DYNC2I2: variants seen among roughly 807,000 people sequenced by gnomAD.
DYNC2I2 encodes dynein 2 intermediate chain 2.
A neutral mutation model predicts 52.0 loss-of-function variants in DYNC2I2; 39 were observed. The ratio of observed to expected loss-of-function variants is 0.75; its 90% CI spans 0.58 to 0.98. The LOEUF is 0.98. Among genes scored for constraint, DYNC2I2 ranks in the 50% least tolerant of loss-of-function variants. The probability of loss-of-function intolerance (pLI) is 0.00; values close to 1 mark genes in which losing one functional copy is unlikely to be tolerated. For missense variants in DYNC2I2, 743 were observed against 728.4 expected, an observed-to-expected ratio of 1.02 and a Z score of -0.23; for synonymous variants, 359 against 321.1, an observed-to-expected ratio of 1.12 and a Z score of -1.26.
upstream of DYNC2I2, chr9:128,656,855 A>G (rs1349838374): frequency 1.2e-5 from 11 of 929,144 alleles, no homozygotes; most frequent in Middle Eastern, 3.6e-4. Context: ...GCCTCCTGCA[A>G]GACCTGGAAG....
At chr9:128,676,839 G>GTTTTTTTTTTTTT in the DYNC2I2 span, among the ~76,000 whole-genome samples, 1 of 144,258 alleles carries the variant, frequency 6.9e-6, no homozygotes, top group Non-Finnish European at 1.5e-5. Context: ...GGCCCCAGCT[G>GTTTTTTTTTTTTT]TTTTTTTTTT....
chr9:128,676,537 T>C, the DYNC2I2 span, among the ~76,000 whole-genome samples: 12 of 151,562 alleles, frequency 7.9e-5, no homozygotes, highest in Non-Finnish European at 1.5e-4. Flanking sequence ...TTTGAATTTT[T>C]TTTTTTTTTT....
In DYNC2I2 at chr9:128,656,631, C is replaced by A; in HGVS notation, c.96G>T (p.Pro32=). The A allele has an allele frequency of 6.7e-7, 1 of 1,498,852 alleles. No homozygotes were observed. 92.8% of individuals were successfully genotyped at this position (1,498,852 alleles called of 1,614,324 possible). Residue 32 remains proline (P), a synonymous_variant, in exon 1 of 9, where the codon CCG becomes CCT. Transcript: ENST00000372715. ...ATVGVASGPG[P]GRPGPLQDET... ...CGTCCTGCAGCGGCCCTGGCCGCCC[C>A]GGCCCCGGGCCGCTCGCAACCCCGA...
chr9:128,676,846 T>TG, the DYNC2I2 span, among the ~76,000 whole-genome samples: 11,000 of 150,130 alleles, frequency 0.073, 551 homozygotes, highest in Middle Eastern at 0.12. Context: ...GCTGTTTTTT[T>TG]TTTTGTTTTG....
chr9:128,644,049 G>A (rs1373566727), intron 1 of DYNC2I2, among the ~76,000 whole-genome samples: 2 of 152,180 alleles, frequency 1.3e-5, no homozygotes, highest in East Asian at 3.9e-4. Flanking sequence ...GACTAAGGCA[G>A]AATCTCAAAC....
At chr9:128,640,012 C>CTTTTTTT (rs71381781) in intron 2 of DYNC2I2, among the ~76,000 whole-genome samples, 111,092 of 118,842 alleles carry the variant, frequency 0.93, 52,823 homozygotes, top group South Asian at 0.99. Context: ...AGGAGACATT[C>CTTTTTTT]TTTTTTTTTT....
upstream of DYNC2I2, among the ~76,000 whole-genome samples, chr9:128,657,961 C>CA (rs1322284134): frequency 1.3e-5 from 2 of 152,002 alleles, no homozygotes; most frequent in Non-Finnish European, 2.9e-5. Flanking sequence ...GGCATAGTGG[C>CA]ACACACCTGT....
In DYNC2I2 at chr9:128,633,700, A is replaced by G; in HGVS notation, c.*44T>C. ...TTCATTTGGCTTGCGTCAGAAACAC[A>G]AGGCTCGGCACAGCGAAGGCTTGCA... On this transcript the variant is annotated 3_prime_UTR_variant, in exon 9 of 9. Transcript: ENST00000372715. 4 of 1,566,416 alleles carry G rather than the reference A, an allele frequency of 2.6e-6. No homozygotes were observed. The highest frequency in any genetic ancestry group is 1.1e-5 in the South Asian group (1 of 87,180).
rs57194999 is a variant in DYNC2I2, at chr9:128,650,526, C to CATATATATATATATATATATAT, written c.186+5993_186+6014dup. ...AGAAAAGTCAAGTCAGGCCAAAGAC[C>CATATATATATATATATATATAT]ATATATATATATATATATATATGCC... On this transcript the variant is annotated intron_variant, in intron 1 of 8. Transcript: ENST00000372715. 1.0e-3 allele frequency among the ~76,000 whole-genome samples: 42 copies of CATATATATATATATATATATAT among 41,454 alleles called. 1 individual carries two copies. Among genetic ancestry groups the CATATATATATATATATATATAT allele is most frequent in the African/African-American group, 2.2e-3 (41 of 18,614 alleles). The allele number at this position is 41,454 out of a possible 152,430, so 27.2% of individuals were successfully genotyped here. A position where few individuals can be genotyped will look rare whatever the true frequency, so the allele number is the denominator to read the frequency against.
At chr9:128,656,865 G>T, upstream of DYNC2I2, 1 of 864,126 alleles carries the variant, frequency 1.2e-6, no homozygotes, top group East Asian at 3.4e-5. Flanking sequence ...AGACCTGGAA[G>T]AAAGAAAAGT....
chr9:128,660,724 TTTTATTTA>T (rs952753550), upstream of DYNC2I2, among the ~76,000 whole-genome samples: 2 of 151,596 alleles, frequency 1.3e-5, no homozygotes, highest in African/African-American at 4.9e-5. Flanking sequence ...TATTTTTATT[TTTTATTTA>T]TTTATTTATG....
chr9:128,654,193 G>A (rs538635614), intron 1 of DYNC2I2, among the ~76,000 whole-genome samples: 2 of 152,254 alleles, frequency 1.3e-5, no homozygotes, highest in East Asian at 3.9e-4. Flanking sequence ...GGAAGTGCGT[G>A]CAAGCCACAT....
Position 128,640,676 on chromosome 9 carries a change from C to T in DYNC2I2, c.435+15G>A, listed in dbSNP as rs1436499077. The T allele has an allele frequency of 2.5e-6, 4 of 1,609,458 alleles. No individual in the cohort carries two copies. In the Admixed American group the frequency reaches 6.7e-5, roughly 27 times the overall value. The stretch of plus-strand genomic sequence containing the variant: ...GCAGGGGCTCGACCCGAGGCTGCAC[C>T]AGCCCATCCCCTACCATCTGCTGCT... On this transcript the variant is annotated intron_variant, in intron 2 of 8. Transcript: ENST00000372715.
At chr9:128,646,908 C>T (rs959861497) in intron 1 of DYNC2I2, among the ~76,000 whole-genome samples, 23 of 152,172 alleles carry the variant, frequency 1.5e-4, no homozygotes, top group Admixed American at 7.2e-4. Flanking sequence ...AGGTGGATCA[C>T]GAGGACAGGA....
In DYNC2I2 at chr9:128,633,834, C is replaced by T; in HGVS notation, c.1521G>A (p.Val507=). ...LLAAGDAQGT[V]KVWQLSTEFT... is the part of the protein sequence containing the mutation. ...ACTCTGTGCTCAGCTGCCACACCTT[C>T]ACTGTGCCCTGGGCATCGCCCGCAG... The change falls in exon 9 of 9, where the codon GTG becomes GTA. Residue 507 remains valine (V), a synonymous_variant. Coordinates refer to ENST00000372715, the MANE Select transcript of DYNC2I2 (RefSeq NM_052844.4). 6.2e-7 allele frequency: 1 copy of T among 1,613,654 alleles called. No individual in the cohort carries two copies.
At chr9:128,673,504 CTAT>C in the DYNC2I2 span, among the ~76,000 whole-genome samples, 1 of 140,580 alleles carries the variant, frequency 7.1e-6, no homozygotes, top group Non-Finnish European at 1.6e-5. Context: ...ACCTCACTGG[CTAT>C]TTTTTTTTTT....
At chr9:128,640,337 C>G (rs1860489455) in intron 2 of DYNC2I2, among the ~76,000 whole-genome samples, 1 of 152,144 alleles carries the variant, frequency 6.6e-6, no homozygotes. Context: ...CTGTGCCTGG[C>G]CCAAAGAAGG....
the DYNC2I2 span, among the ~76,000 whole-genome samples, chr9:128,674,170 C>T: frequency 6.7e-6 from 1 of 149,274 alleles, no homozygotes; most frequent in African/African-American, 2.5e-5. Flanking sequence ...GAGTCTCGCT[C>T]TGTTGCCCAG....
At chr9:128,663,193 A>G in the DYNC2I2 span, 1 of 152,126 alleles carries the variant, frequency 6.6e-6, no homozygotes, top group Non-Finnish European at 1.5e-5. Flanking sequence ...AGTAACTACA[A>G]ATAGGAAACC....
Sources: gnomAD v4.1 joint callset for allele counts (sites outside exome capture counted in the v4.1 genomes callset) on GRCh38, gnomAD v4.1.1 for gene constraint, MANE v1.5 for transcripts, NCBI Gene and HGNC (gene_info 2026-07-23, HGNC 2026-07-21) for gene names.